The following RPS6KC1 variants were observed in gnomAD, a reference collection of about 807,000 sequenced individuals.
RPS6KC1 encodes the protein inactive ribosomal protein S6 kinase delta-1.
Under a neutral mutation model 103.8 loss-of-function variants are expected in RPS6KC1, and 54 were observed. That is an observed-to-expected ratio of 0.52 (90% CI 0.42 to 0.65). RPS6KC1 has a LOEUF of 0.65. Among genes scored for constraint, RPS6KC1 ranks in the 30% least tolerant of loss-of-function variants. The probability of loss-of-function intolerance (pLI) is 0.00; values close to 1 mark genes in which losing one functional copy is unlikely to be tolerated. For synonymous variants in RPS6KC1, 439 were observed against 438.7 expected (o/e 1.00, Z -0.01); for missense variants, 1,151 against 1,253.8 (o/e 0.92, Z 1.24).
At chr1:213,328,179 G>T in the RPS6KC1 span, among the ~76,000 whole-genome samples, 1 of 152,016 alleles carries the variant, frequency 6.6e-6, no homozygotes, top group African/African-American at 2.4e-5. Context: ...GCTTTCAATA[G>T]GCATGCAATA....
the RPS6KC1 span, among the ~76,000 whole-genome samples, chr1:213,460,405 C>CTTTTTT: frequency 1.8e-5 from 2 of 111,154 alleles, no homozygotes; most frequent in African/African-American, 3.4e-5. Flanking sequence ...GCAACCCCTG[C>CTTTTTT]TTTTTTTTTT....
intron 8 of RPS6KC1, chr1:213,176,749 A>AT (rs1289011408): frequency 3.7e-6 from 1 of 272,412 alleles, no homozygotes; most frequent in Non-Finnish European, 7.2e-6. Flanking sequence ...GTTTGGTTTT[A>AT]TAGAAGTGTT....
At chr1:213,240,577 A>G in intron 10 of RPS6KC1, 125 bp from the exon 11 acceptor site, 1 of 782,004 alleles carries the variant, frequency 1.3e-6, no homozygotes, top group Non-Finnish European at 2.1e-6. Context: ...GGCACACGAT[A>G]TTAATGGATA....
the RPS6KC1 span, among the ~76,000 whole-genome samples, chr1:213,618,634 C>T: frequency 6.6e-6 from 1 of 152,112 alleles, no homozygotes; most frequent in Admixed American, 6.6e-5. Flanking sequence ...TTTCCGCAAC[C>T]TTCTGAATGA....
At chr1:213,231,072 A>T (rs1463525893) in intron 9 of RPS6KC1, among the ~76,000 whole-genome samples, 3 of 152,138 alleles carry the variant, frequency 2.0e-5, no homozygotes, top group Admixed American at 6.6e-5. Flanking sequence ...GCATGCATTT[A>T]ACAACATTGT....
At chr1:213,122,201 A>G (rs2084466603) in intron 5 of RPS6KC1, among the ~76,000 whole-genome samples, 1 of 152,130 alleles carries the variant, frequency 6.6e-6, no homozygotes. Flanking sequence ...TGCTACATGC[A>G]ATAAGCTGAT....
At chr1:213,672,795 C>T in the RPS6KC1 span, among the ~76,000 whole-genome samples, 1 of 152,138 alleles carries the variant, frequency 6.6e-6, no homozygotes. Flanking sequence ...CCTGGATGGA[C>T]CATTCAGCAT....
the RPS6KC1 span, among the ~76,000 whole-genome samples, chr1:213,701,597 G>A: frequency 6.6e-6 from 1 of 151,922 alleles, no homozygotes; most frequent in Non-Finnish European, 1.5e-5. Flanking sequence ...ATTACTTGTT[G>A]TTGGTTTGTT....
At chr1:213,681,993 C>A in the RPS6KC1 span, among the ~76,000 whole-genome samples, 1 of 152,190 alleles carries the variant, frequency 6.6e-6, no homozygotes, top group African/African-American at 2.4e-5. Flanking sequence ...CTAAGCCATA[C>A]TGTGGCCAAA....
chr1:213,087,707 C>T (rs2080541159), intron 3 of RPS6KC1, among the ~76,000 whole-genome samples: 1 of 152,184 alleles, frequency 6.6e-6, no homozygotes, highest in Non-Finnish European at 1.5e-5. Flanking sequence ...CTTGCAGGCT[C>T]AGCCAGTTTG....
At chr1:213,306,344 A>C in the RPS6KC1 span, among the ~76,000 whole-genome samples, 1 of 152,222 alleles carries the variant, frequency 6.6e-6, no homozygotes, top group African/African-American at 2.4e-5. Flanking sequence ...ATTATCAAAA[A>C]AACCCTTAAA....
rs138443724 is a variant in RPS6KC1 at position 213,149,584 on chromosome 1, A to G, written c.836-18274A>G. Among the ~76,000 whole-genome samples the G allele has an allele frequency of 3.2e-3, 492 of 152,314 alleles. 2 individuals carry two copies. Among genetic ancestry groups the G allele is most frequent in the African/African-American group, 0.011 (473 of 41,560 alleles). ...CCTGACATATGGTCTGTCCTTGGAA[A>G]TGATCAATGTAGTGAGGCAAAGAAT... On this transcript the variant is annotated intron_variant, in intron 6 of 14. Coordinates refer to ENST00000366960, the MANE Select transcript of RPS6KC1 (RefSeq NM_012424.6).
the RPS6KC1 span, among the ~76,000 whole-genome samples, chr1:213,662,001 T>C: frequency 2.0e-5 from 3 of 152,172 alleles, no homozygotes; most frequent in Admixed American, 2.0e-4. Context: ...TGGCTGGAAC[T>C]GGACTGAAAT....
the RPS6KC1 span, among the ~76,000 whole-genome samples, chr1:213,369,427 T>G: frequency 2.6e-5 from 4 of 152,186 alleles, no homozygotes; most frequent in Admixed American, 2.6e-4. Flanking sequence ...CCTGGCCCTA[T>G]GGGGCCAAAG....
At chr1:213,349,466 T>C in the RPS6KC1 span, among the ~76,000 whole-genome samples, 1 of 152,160 alleles carries the variant, frequency 6.6e-6, no homozygotes, top group African/African-American at 2.4e-5. Flanking sequence ...TTAGGCAGCA[T>C]CCGCACTTTC....
the RPS6KC1 span, among the ~76,000 whole-genome samples, chr1:213,669,301 T>TAATGTC: frequency 6.6e-6 from 1 of 152,102 alleles, no homozygotes; most frequent in Non-Finnish European, 1.5e-5. Context: ...TTAATTGGCC[T>TAATGTC]AATGTCAGTA....
At chr1:213,767,898 A>C in the RPS6KC1 span, among the ~76,000 whole-genome samples, 2,367 of 152,240 alleles carry the variant, frequency 0.016, 66 homozygotes, top group East Asian at 0.074. Context: ...TTGTCCTGGC[A>C]CTTAGCACAC....
the RPS6KC1 span, among the ~76,000 whole-genome samples, chr1:213,740,266 A>T: frequency 1.3e-5 from 2 of 152,166 alleles, no homozygotes; most frequent in Non-Finnish European, 1.5e-5. Flanking sequence ...TGATTTACAA[A>T]AATCACAGTA....
the RPS6KC1 span, among the ~76,000 whole-genome samples, chr1:213,429,537 G>T: frequency 6.6e-6 from 1 of 152,172 alleles, no homozygotes; most frequent in African/African-American, 2.4e-5. Context: ...TCTCTGACTT[G>T]TTGGCTTTTT....
Sources: gnomAD v4.1 joint callset for allele counts (sites outside exome capture counted in the v4.1 genomes callset) on GRCh38, gnomAD v4.1.1 for gene constraint, MANE v1.5 for transcripts, NCBI Gene and HGNC (gene_info 2026-07-23, HGNC 2026-07-21) for gene names.